Variants in TMTC1 observed in about 807,000 individuals in gnomAD.
TMTC1 encodes the protein protein O-mannosyl-transferase TMTC1.
In TMTC1, 73 loss-of-function variants were observed where a neutral mutation model predicts 104.8. That is an observed-to-expected ratio of 0.70 (90% CI 0.58 to 0.85). The LOEUF (loss-of-function observed/expected upper bound fraction) is 0.85, where lower values mean the gene tolerates loss of function less well. TMTC1 is among the 40% of genes least tolerant of loss of function. TMTC1 has a pLI of 0.00. For synonymous variants in TMTC1, 434 were observed against 428.7 expected, an observed-to-expected ratio of 1.01 and a Z score of -0.15; for missense variants, 1,035 against 1,096.1, an observed-to-expected ratio of 0.94 and a Z score of 0.79.
chr12:29,591,310 G>A lies in TMTC1; in HGVS notation c.1251-7736C>T, dbSNP rs142151922. 7.6e-3 allele frequency among the ~76,000 whole-genome samples: 1,159 copies of A among 152,266 alleles called. 10 individuals are homozygous for A. Among genetic ancestry groups the A allele is most frequent in the Non-Finnish European group, 8.5e-3 (580 of 68,016 alleles). On this transcript the variant is annotated intron_variant, in intron 7 of 17. Transcript: ENST00000539277. ...TAGGGGCAGGACATGGCCTCCTTTT[G>A]AAAGTGGGAAGTCAAGCCAATGAGA... is the stretch of plus-strand genomic sequence containing the variant.
At chr12:29,758,672 T>G (rs1943272124) in intron 3 of TMTC1, 32 bp downstream of exon 3, 19 of 1,604,712 alleles carry the variant, frequency 1.2e-5, no homozygotes, top group Non-Finnish European at 1.6e-5. Flanking sequence ...ACAGTTGCGA[T>G]CACAGAGAAG....
chr12:29,634,314 T>C (rs1938444017), intron 5 of TMTC1, among the ~76,000 whole-genome samples: 1 of 152,168 alleles, frequency 6.6e-6, no homozygotes, highest in Non-Finnish European at 1.5e-5. Context: ...CTATGGAATG[T>C]AATCATCAGG....
intron 6 of TMTC1, among the ~76,000 whole-genome samples, chr12:29,609,353 A>G (rs1263408827): frequency 6.6e-6 from 1 of 152,176 alleles, no homozygotes; most frequent in Admixed American, 6.5e-5. Flanking sequence ...GACAGCTAGT[A>G]TGGCTGAACA....
At chr12:29,582,559 A>G (rs925936696) in intron 8 of TMTC1, among the ~76,000 whole-genome samples, 12 of 152,134 alleles carry the variant, frequency 7.9e-5, no homozygotes, top group Non-Finnish European at 1.5e-4. Context: ...CTCAAGACGG[A>G]TTTTCCAGAT....
rs1555170713 is a variant in TMTC1, at chr12:29,570,891, C to CCCA, written c.1532+1213_1532+1214insTGG. On this transcript the variant is annotated intron_variant, in intron 9 of 17. Coordinates refer to ENST00000539277, the MANE Select transcript of TMTC1 (RefSeq NM_001193451.2). ...AAAAAAAACAGAAACACCCCCCCCC[C>CCCA]CCGCCAAAACACACACACAAAAACA... Among the ~76,000 whole-genome samples the CCCA allele has an allele frequency of 7.7e-3, 1,143 of 147,776 alleles. 38 individuals are homozygous for CCCA. The highest frequency in any genetic ancestry group is 0.028 in the African/African-American group (1,100 of 39,112).
chr12:29,749,036 C>T (rs967925888), intron 5 of TMTC1, among the ~76,000 whole-genome samples: 2 of 152,124 alleles, frequency 1.3e-5, no homozygotes, highest in Non-Finnish European at 2.9e-5. Context: ...ACTCCATGGT[C>T]AGTGAAGTCA....
At chr12:29,642,336 G>A in intron 5 of TMTC1, among the ~76,000 whole-genome samples, 1 of 152,148 alleles carries the variant, frequency 6.6e-6, no homozygotes, top group Non-Finnish European at 1.5e-5. Context: ...GGAGCTGTGA[G>A]ACACAGAAGC....
intron 7 of TMTC1, among the ~76,000 whole-genome samples, chr12:29,585,733 A>C (rs1434514671): frequency 6.6e-6 from 1 of 152,198 alleles, no homozygotes; most frequent in Non-Finnish European, 1.5e-5. Flanking sequence ...AGGTTTGTCA[A>C]AGATCAGATA....
intron 10 of TMTC1, among the ~76,000 whole-genome samples, chr12:29,539,068 T>G (rs991526745): frequency 1.3e-5 from 2 of 152,218 alleles, no homozygotes; most frequent in African/African-American, 4.8e-5. Flanking sequence ...GGGAGAGGAA[T>G]GAAGAGAATA....
At chr12:29,676,961 A>C (rs1402035086) in intron 5 of TMTC1, among the ~76,000 whole-genome samples, 1 of 152,194 alleles carries the variant, frequency 6.6e-6, no homozygotes, top group East Asian at 1.9e-4. Context: ...GGGCCAAAAT[A>C]ATACAATTCA....
intron 7 of TMTC1, among the ~76,000 whole-genome samples, chr12:29,602,315 G>A (rs1423251726): frequency 6.6e-6 from 1 of 151,954 alleles, no homozygotes; most frequent in Non-Finnish European, 1.5e-5. Flanking sequence ...CTAAGTTTTT[G>A]TTATTTTCTG....
chr12:29,645,490 A>T (rs1939226650), intron 5 of TMTC1, among the ~76,000 whole-genome samples: 1 of 152,214 alleles, frequency 6.6e-6, no homozygotes, highest in Non-Finnish European at 1.5e-5. Flanking sequence ...GACCTTTTAC[A>T]TGTGCCATTA....
At chr12:29,600,438 TCCTTACCCAGAC>T in intron 7 of TMTC1, among the ~76,000 whole-genome samples, 1 of 152,166 alleles carries the variant, frequency 6.6e-6, no homozygotes, top group Middle Eastern at 3.2e-3. Flanking sequence ...CACAGAAGTT[TCCTTACCCAGAC>T]TTTAATTTCC....
chr12:29,646,546 A>T (rs1939274790), intron 5 of TMTC1, among the ~76,000 whole-genome samples: 1 of 152,150 alleles, frequency 6.6e-6, no homozygotes, highest in South Asian at 2.1e-4. Flanking sequence ...TTTTTCAGCA[A>T]CCCATCCCTA....
intron 1 of TMTC1, among the ~76,000 whole-genome samples, chr12:29,774,911 T>C (rs1389138083): frequency 6.6e-6 from 1 of 152,198 alleles, no homozygotes; most frequent in African/African-American, 2.4e-5. Context: ...GCAAAATTCA[T>C]GGCTTTGATT....
chr12:29,719,092 TTCTC>T (rs1366807042), intron 5 of TMTC1, among the ~76,000 whole-genome samples: 3 of 152,276 alleles, frequency 2.0e-5, no homozygotes, highest in East Asian at 3.9e-4. Flanking sequence ...TGTCAGTGTT[TTCTC>T]TCTCTCTTTT....
intron 5 of TMTC1, among the ~76,000 whole-genome samples, chr12:29,643,916 A>AAT (rs1228323711): frequency 9.2e-6 from 1 of 108,252 alleles, no homozygotes; most frequent in African/African-American, 3.7e-5. Context: ...ATTATATATA[A>AAT]ATATATATAA....
At chr12:29,738,809 T>C (rs1942750367) in intron 5 of TMTC1, among the ~76,000 whole-genome samples, 1 of 152,220 alleles carries the variant, frequency 6.6e-6, no homozygotes, top group African/African-American at 2.4e-5. Context: ...TTAACATGTA[T>C]GGATACATGA....
At chr12:29,618,711 T>A (rs930930589) in intron 6 of TMTC1, among the ~76,000 whole-genome samples, 2 of 152,134 alleles carry the variant, frequency 1.3e-5, no homozygotes, top group South Asian at 4.1e-4. Context: ...CCAGTAGGCT[T>A]TTTGTCTAGA....
Sources: allele counts gnomAD v4.1 joint callset (sites outside exome capture counted in the v4.1 genomes callset), GRCh38; gene constraint gnomAD v4.1.1; transcripts MANE v1.5; gene names NCBI Gene and HGNC (gene_info 2026-07-23, HGNC 2026-07-21).